Variants in MBTPS2 observed in about 807,000 individuals in gnomAD.
The protein encoded by MBTPS2 is membrane bound transcription factor peptidase, site 2, also known as membrane-bound transcription factor site-2 protease.
In MBTPS2, 2 loss-of-function variants were observed where a neutral mutation model predicts 35.4. The ratio of observed to expected loss-of-function variants is 0.06; its 90% CI spans 0.02 to 0.18. MBTPS2 has a LOEUF of 0.18. MBTPS2 is among the 10% of genes least tolerant of loss of function. MBTPS2 has a pLI of 1.00. For synonymous variants in MBTPS2, 125 were observed against 140.4 expected (o/e 0.89, Z 0.77); for missense variants, 244 against 386.5 (o/e 0.63, Z 3.09).
chrX:21,844,116 A>ATAAATAAC (rs2092905857), intron 2 of MBTPS2, among the ~76,000 whole-genome samples: 2 of 93,865 alleles, frequency 2.1e-5, no homozygotes, highest in Non-Finnish European at 4.0e-5. Flanking sequence ...TCTCAAATAA[A>ATAAATAAC]TAAATAAATA....
chrX:21,862,969 A>T lies in MBTPS2; in HGVS notation c.671-5498A>T, dbSNP rs867308773. ...ATATATATATATATATATATATATA[A>T]AACCGACTGGGCGCGGTGGCTCACG... On this transcript the variant is annotated intron_variant, in intron 5 of 10. Coordinates refer to ENST00000379484, the MANE Select transcript of MBTPS2 (RefSeq NM_015884.4). Among the ~76,000 whole-genome samples, 167 of 24,751 alleles carry T rather than the reference A, an allele frequency of 6.7e-3. 2 individuals carry two copies. Among genetic ancestry groups the T allele is most frequent in the African/African-American group, 0.012 (161 of 13,036 alleles). 21.5% of individuals were successfully genotyped at this position (24,751 alleles called of 115,157 possible).
chrX:21,854,482 A>C (rs1348820661), intron 5 of MBTPS2, among the ~76,000 whole-genome samples: 1 of 112,464 alleles, frequency 8.9e-6, no homozygotes, highest in Non-Finnish European at 1.9e-5. Flanking sequence ...ATTACTCAAA[A>C]ATAATGAAAG....
chrX:21,881,448 C>G (rs947455639), intron 10 of MBTPS2, among the ~76,000 whole-genome samples: 6 of 111,787 alleles, frequency 5.4e-5, no homozygotes, highest in African/African-American at 1.9e-4. Flanking sequence ...TTATTGTGGT[C>G]TTTCGCATAT....
chrX:21,841,672 A>T (rs1261451914), intron 1 of MBTPS2: 1 of 111,079 alleles, frequency 9.0e-6, no homozygotes, highest in Admixed American at 9.6e-5. Flanking sequence ...ATGTGAAAAA[A>T]ATCTAAAATA....
intron 5 of MBTPS2, chrX:21,857,725 A>C: frequency 1.2e-6 from 1 of 818,903 alleles, no homozygotes; most frequent in African/African-American, 2.0e-5. Flanking sequence ...AATCCTGCAC[A>C]TTTAAGGTTC....
At chrX:21,866,299 C>G (rs2092939698) in intron 5 of MBTPS2, among the ~76,000 whole-genome samples, 1 of 110,571 alleles carries the variant, frequency 9.0e-6, no homozygotes, top group Non-Finnish European at 1.9e-5. Context: ...GAAAAGTGTT[C>G]TAGAAGTTAC....
At chrX:21,847,710 A>G (rs768895994) in intron 3 of MBTPS2, among the ~76,000 whole-genome samples, 29 of 112,500 alleles carry the variant, frequency 2.6e-4, no homozygotes, top group Non-Finnish European at 5.1e-4. Context: ...TAAGGTAAGC[A>G]GGATATTTTG....
intron 4 of MBTPS2, among the ~76,000 whole-genome samples, chrX:21,852,896 G>A (rs950472547): frequency 4.6e-5 from 5 of 109,271 alleles, no homozygotes; most frequent in African/African-American, 1.0e-4. Flanking sequence ...CTTATTTAAC[G>A]TTAGCTTGAT....
At chrX:21,849,973 G>A (rs928225493) in intron 3 of MBTPS2, among the ~76,000 whole-genome samples, 12 of 101,409 alleles carry the variant, frequency 1.2e-4, no homozygotes, top group Middle Eastern at 5.1e-3. Context: ...CTTGCAGTGA[G>A]CCGAGATCGC....
Position 21,884,997 on chromosome X carries a change from T to G in MBTPS2, c.*2342T>G. 1.3e-6 allele frequency: 1 copy of G among 751,566 alleles called. No individual in the cohort carries two copies. Among genetic ancestry groups the G allele is most frequent in the South Asian group, 6.8e-5 (1 of 14,790 alleles). 61.9% of individuals were successfully genotyped at this position (751,566 alleles called of 1,213,427 possible). On this transcript the variant is annotated 3_prime_UTR_variant, in exon 11 of 11. Transcript: ENST00000379484. ...TTTGAGGATTGAAGAAAGTGTTCTT[T>G]CTGCGTTGTCACTTTGTTCAACAGT...
At chrX:21,861,293 T>C (rs1042907168) in intron 5 of MBTPS2, among the ~76,000 whole-genome samples, 1 of 111,838 alleles carries the variant, frequency 8.9e-6, no homozygotes, top group Non-Finnish European at 1.9e-5. Context: ...TTAATGTTCA[T>C]ATTTTTTGAC....
chrX:21,869,271 G>C (rs2092944225), intron 6 of MBTPS2, among the ~76,000 whole-genome samples: 1 of 112,180 alleles, frequency 8.9e-6, no homozygotes, highest in South Asian at 3.7e-4. Flanking sequence ...CAGCAAGTCG[G>C]CTTTTTTTCA....
At chrX:21,848,799 C>T (rs1043101235) in intron 3 of MBTPS2, among the ~76,000 whole-genome samples, 2 of 111,919 alleles carry the variant, frequency 1.8e-5, no homozygotes, top group Non-Finnish European at 3.8e-5. Flanking sequence ...ATTCAAGCAG[C>T]ATTGTTTGAA....
chrX:21,857,541 G>T, intron 5 of MBTPS2: 1 of 1,211,785 alleles, frequency 8.3e-7, no homozygotes, highest in Non-Finnish European at 1.1e-6. Context: ...CAGGAAGTTC[G>T]CTCAGTCAAC....
chrX:21,870,723 A>C (rs1021647400), intron 7 of MBTPS2: 1 of 112,354 alleles, frequency 8.9e-6, no homozygotes, highest in African/African-American at 3.2e-5. Context: ...CAAAAATACC[A>C]TGTGAAGTCA....
intron 7 of MBTPS2, among the ~76,000 whole-genome samples, chrX:21,877,493 G>A (rs866495036): frequency 8.1e-5 from 9 of 111,714 alleles, no homozygotes; most frequent in Middle Eastern, 4.7e-3. Context: ...TTCCAAAAAT[G>A]GTAACTGGAT....
chrX:21,852,166 A>G (rs1461250780), intron 4 of MBTPS2, among the ~76,000 whole-genome samples: 2 of 111,765 alleles, frequency 1.8e-5, no homozygotes, highest in Non-Finnish European at 3.8e-5. Flanking sequence ...TGGCTTCCCA[A>G]ATGTATCATT....
At chrX:21,857,654 A>G (rs759534197) in intron 5 of MBTPS2, 1 of 1,123,802 alleles carries the variant, frequency 8.9e-7, no homozygotes, top group Non-Finnish European at 1.2e-6. Context: ...GGACTGCGGT[A>G]GGGAATAAAT....
intron 5 of MBTPS2, chrX:21,856,289 CTCTGCAGCTCGCGCCTT>C: frequency 1.1e-5 from 3 of 275,019 alleles, no homozygotes; most frequent in Admixed American, 7.5e-5. Flanking sequence ...TCGCGCCTTT[CTCTGCAGCTCGCGCCTT>C]TCTCTGCAGC....
Sources: gnomAD v4.1 joint callset for allele counts (sites outside exome capture counted in the v4.1 genomes callset) on GRCh38, gnomAD v4.1.1 for gene constraint, MANE v1.5 for transcripts, NCBI Gene and HGNC (gene_info 2026-07-23, HGNC 2026-07-21) for gene names.